RPSA2: variants seen among roughly 807,000 people sequenced by gnomAD.
RPSA2 encodes the protein small ribosomal subunit protein uS2B.
chr19:23,805,089 A>G, the RPSA2 span, among the ~76,000 whole-genome samples: 1 of 123,386 alleles, frequency 8.1e-6, no homozygotes, highest in East Asian at 2.5e-4. Flanking sequence ...TCTGTAGCAG[A>G]GGAGAGAACC....
the RPSA2 span, among the ~76,000 whole-genome samples, chr19:23,867,938 G>T: frequency 6.6e-6 from 1 of 151,968 alleles, no homozygotes; most frequent in Admixed American, 6.5e-5. Context: ...TGACAAACCT[G>T]TGTGGGTGGA....
the RPSA2 span, among the ~76,000 whole-genome samples, chr19:23,779,412 C>T: frequency 6.6e-6 from 1 of 151,994 alleles, no homozygotes; most frequent in Non-Finnish European, 1.5e-5. Flanking sequence ...GGTGAAGATA[C>T]TGTCTTCTCC....
At chr19:23,827,539 C>T in the RPSA2 span, 20 of 1,596,220 alleles carry the variant, frequency 1.3e-5, no homozygotes, top group East Asian at 4.5e-4. Context: ...TGGTTACTGA[C>T]CCCAGGGCTG....
chr19:23,827,384 A>C, the RPSA2 span: 6 of 1,491,882 alleles, frequency 4.0e-6, no homozygotes, highest in African/African-American at 1.4e-5. Context: ...TGCTGATGTC[A>C]GTGTTATATC....
the RPSA2 span, among the ~76,000 whole-genome samples, chr19:23,837,010 G>T: frequency 5.5e-3 from 844 of 152,094 alleles, 5 homozygotes; most frequent in African/African-American, 0.019. Flanking sequence ...GTTTATCTTT[G>T]TTTTTACTGC....
the RPSA2 span, among the ~76,000 whole-genome samples, chr19:23,788,531 C>G: frequency 3.9e-5 from 6 of 152,138 alleles, no homozygotes; most frequent in African/African-American, 1.4e-4. Context: ...ATAGCTGGGT[C>G]TGCCACCCAG....
At chr19:23,770,720 G>T in the RPSA2 span, among the ~76,000 whole-genome samples, 1 of 152,100 alleles carries the variant, frequency 6.6e-6, no homozygotes, top group East Asian at 1.9e-4. Flanking sequence ...ATATCACTGG[G>T]CCTAGCATCT....
At chr19:23,810,071 AG>A in the RPSA2 span, among the ~76,000 whole-genome samples, 2 of 152,106 alleles carry the variant, frequency 1.3e-5, no homozygotes, top group Non-Finnish European at 2.9e-5. Flanking sequence ...GGTTTGCACA[AG>A]GGTTCACCTT....
the RPSA2 span, among the ~76,000 whole-genome samples, chr19:23,793,092 GAAGACA>G: frequency 6.6e-6 from 1 of 152,246 alleles, no homozygotes; most frequent in East Asian, 1.9e-4. Context: ...GTTGACTACT[GAAGACA>G]AAGTCAGCTT....
At chr19:23,864,660 T>A in the RPSA2 span, among the ~76,000 whole-genome samples, 9 of 152,224 alleles carry the variant, frequency 5.9e-5, no homozygotes, top group African/African-American at 2.2e-4. Flanking sequence ...ATACTGATTT[T>A]AATTTTGGAT....
the RPSA2 span, among the ~76,000 whole-genome samples, chr19:23,779,295 C>G: frequency 6.6e-6 from 1 of 152,142 alleles, no homozygotes; most frequent in African/African-American, 2.4e-5. Flanking sequence ...CCACTGCGCC[C>G]GGCCATGACA....
At chr19:23,833,977 A>G in the RPSA2 span, among the ~76,000 whole-genome samples, 1 of 152,120 alleles carries the variant, frequency 6.6e-6, no homozygotes, top group South Asian at 2.1e-4. Context: ...TTCAAAAACT[A>G]CAAATTATAA....
the RPSA2 span, among the ~76,000 whole-genome samples, chr19:23,780,487 C>G: frequency 1.3e-5 from 2 of 151,914 alleles, no homozygotes; most frequent in East Asian, 3.9e-4. Flanking sequence ...ACTAAAAATA[C>G]AAAAAATTAG....
At chr19:23,864,087 C>G in the RPSA2 span, among the ~76,000 whole-genome samples, 1 of 152,138 alleles carries the variant, frequency 6.6e-6, no homozygotes, top group Non-Finnish European at 1.5e-5. Flanking sequence ...CTCTCTCATT[C>G]CAAGGCAGAG....
the RPSA2 span, among the ~76,000 whole-genome samples, chr19:23,810,408 A>G: frequency 1.7e-4 from 1 of 5,830 alleles, no homozygotes; most frequent in African/African-American, 1.8e-4. Flanking sequence ...AAAAAAAAAA[A>G]AAAAAAAAAA....
chr19:23,867,349 T>C, the RPSA2 span, among the ~76,000 whole-genome samples: 17,865 of 152,218 alleles, frequency 0.12, 1,113 homozygotes, highest in East Asian at 0.22. Context: ...CAGCCTTATG[T>C]TGCAAATATA....
the RPSA2 span, among the ~76,000 whole-genome samples, chr19:23,854,129 G>A: frequency 9.9e-5 from 15 of 152,196 alleles, no homozygotes; most frequent in East Asian, 3.9e-4. Context: ...CTCACTGACT[G>A]GAATGGAAAC....
the RPSA2 span, among the ~76,000 whole-genome samples, chr19:23,784,388 C>T: frequency 1.6e-4 from 25 of 152,200 alleles, no homozygotes; most frequent in Non-Finnish European, 8.8e-5. Flanking sequence ...TGAATGCACT[C>T]CACAGTTGGA....
chr19:23,857,985 G>T, the RPSA2 span, among the ~76,000 whole-genome samples: 10 of 151,858 alleles, frequency 6.6e-5, no homozygotes, highest in Admixed American at 6.6e-4. Flanking sequence ...TACATTCACT[G>T]GAGAAAGCTT....
Sources: gnomAD v4.1 joint callset for allele counts (sites outside exome capture counted in the v4.1 genomes callset) on GRCh38, gnomAD v4.1.1 for gene constraint, MANE v1.5 for transcripts, NCBI Gene and HGNC (gene_info 2026-07-23, HGNC 2026-07-21) for gene names.